The following ANO4 variants were observed in gnomAD, a reference collection of about 807,000 sequenced individuals.
ANO4 encodes anoctamin-4.
In ANO4, 69 loss-of-function variants were observed where a neutral mutation model predicts 141.9. The ratio of observed to expected loss-of-function variants is 0.49; its 90% CI spans 0.40 to 0.59. ANO4 has a LOEUF of 0.59. ANO4 is among the 20% of genes least tolerant of loss of function. ANO4 has a pLI of 0.00. For synonymous variants in ANO4, 350 were observed against 394.3 expected, an observed-to-expected ratio of 0.89 and a Z score of 1.33; for missense variants, 894 against 1,162.2, an observed-to-expected ratio of 0.77 and a Z score of 3.36.
intron 1 of ANO4, among the ~76,000 whole-genome samples, chr12:100,807,655 C>G (rs965980400): frequency 5.9e-5 from 9 of 151,854 alleles, no homozygotes; most frequent in Non-Finnish European, 1.3e-4. Flanking sequence ...ACAGATCAAC[C>G]TATCACCTGG....
intron 1 of ANO4, among the ~76,000 whole-genome samples, chr12:100,890,660 C>A (rs980775611): frequency 6.6e-6 from 1 of 152,126 alleles, no homozygotes; most frequent in Non-Finnish European, 1.5e-5. Flanking sequence ...TTTAGGTTCA[C>A]AGCAAAATTG....
chr12:100,782,119 T>C (rs1489345173), intron 3 of ANO4, among the ~76,000 whole-genome samples: 2 of 152,206 alleles, frequency 1.3e-5, no homozygotes, highest in East Asian at 3.9e-4. Flanking sequence ...CAGTATCTCC[T>C]GGGGACCTTT....
At position 100,758,611 on chromosome 12, in the gene ANO4, A is replaced by C. The variant is rs77761308; in HGVS notation, c.358+18506A>C. Among the ~76,000 whole-genome samples the C allele has an allele frequency of 5.0e-3, 765 of 152,298 alleles. 24 individuals are homozygous for C. In the East Asian group the frequency reaches 0.07, roughly 14 times the overall value. On this transcript the variant is annotated intron_variant, in intron 3 of 29. Transcript: ENST00000644049. ...AAGAATTGACAGTGTGCTTTCCCAC[A>C]CATGACCCTGTTTGATGTTCATATT...
chr12:100,937,807 G>A (rs2042347359), intron 3 of ANO4, among the ~76,000 whole-genome samples: 1 of 152,012 alleles, frequency 6.6e-6, no homozygotes, highest in African/African-American at 2.4e-5. Flanking sequence ...GCGTTTCTTG[G>A]CTCGTGGCCG....
chr12:100,939,776 TC>T, intron 4 of ANO4, among the ~76,000 whole-genome samples: 1 of 152,142 alleles, frequency 6.6e-6, no homozygotes, highest in Non-Finnish European at 1.5e-5. Flanking sequence ...CTTGTATAGA[TC>T]CCCCAGTGGG....
In ANO4 at chr12:100,739,020, ATATATATATAATCTCTAAATCTT is replaced by A. The variant is rs1322838481; in HGVS notation, c.107-823_107-801del. 6.7e-4 allele frequency among the ~76,000 whole-genome samples: 47 copies of A among 69,664 alleles called. No individual in the cohort carries two copies. The East Asian group carries it at 0.02, about 30-fold the overall frequency. 45.7% of individuals were successfully genotyped at this position (69,664 alleles called of 152,430 possible). A position where few individuals can be genotyped will look rare whatever the true frequency, so the allele number is the denominator to read the frequency against. On this transcript the variant is annotated intron_variant, in intron 2 of 29. Coordinates refer to the ANO4 transcript ENST00000644049. The stretch of plus-strand genomic sequence containing the variant: ...TTTGTTTATATATATCTAAATCTTT[ATATATATATAATCTCTAAATCTT>A]TATATATATATCTAAATCTTTATAT...
At chr12:101,115,616 G>A (rs2137034753) in intron 24 of ANO4, among the ~76,000 whole-genome samples, 1 of 152,206 alleles carries the variant, frequency 6.6e-6, no homozygotes, top group South Asian at 2.1e-4. Context: ...TTCACCCAAA[G>A]TTTCAAACAT....
chr12:100,770,041 T>C (rs767817963), intron 3 of ANO4, among the ~76,000 whole-genome samples: 1 of 152,248 alleles, frequency 6.6e-6, no homozygotes, highest in Non-Finnish European at 1.5e-5. Flanking sequence ...AAACACGTTA[T>C]ATTACTTTTA....
At chr12:100,981,698 G>A (rs1005394635) in intron 7 of ANO4, among the ~76,000 whole-genome samples, 8 of 152,090 alleles carry the variant, frequency 5.3e-5, no homozygotes, top group Admixed American at 5.2e-4. Context: ...GTCCCTCCTG[G>A]GTTGTTAGTG....
At chr12:100,740,212 G>A (rs2031803368) in intron 3 of ANO4, 1 of 654,246 alleles carries the variant, frequency 1.5e-6, no homozygotes, top group South Asian at 1.7e-5. Flanking sequence ...TGTGTGATAT[G>A]ATGGACCCCA....
At chr12:100,972,644 A>G (rs1332035851) in intron 6 of ANO4, among the ~76,000 whole-genome samples, 1 of 152,238 alleles carries the variant, frequency 6.6e-6, no homozygotes, top group African/African-American at 2.4e-5. Flanking sequence ...GAAAATTTTT[A>G]TACTATAATA....
rs181472124 is a variant in ANO4 at position 100,734,822 on chromosome 12, T to C, written c.106+965T>C. ...TTTTTATTATGAGGTTACTTAAGTATGTTCAAACATAGAACTATATATAGA... is the reference window on the plus strand; with the variant it reads ...TTTTTATTATGAGGTTACTTAAGTACGTTCAAACATAGAACTATATATAGA... On this transcript the variant is annotated intron_variant, in intron 2 of 29. Coordinates refer to the ANO4 transcript ENST00000644049. Among the ~76,000 whole-genome samples the C allele has an allele frequency of 7.9e-5, 12 of 152,388 alleles. No homozygotes were observed. In the East Asian group the frequency reaches 1.7e-3, roughly 22 times the overall value.
intron 1 of ANO4, among the ~76,000 whole-genome samples, chr12:100,812,466 T>C (rs2035498654): frequency 6.6e-6 from 1 of 150,968 alleles, no homozygotes; most frequent in Admixed American, 6.6e-5. Context: ...ATGTTTGTAT[T>C]TATGTATATA....
intron 5 of ANO4, among the ~76,000 whole-genome samples, chr12:100,954,277 A>G (rs1476220176): frequency 6.6e-6 from 1 of 151,946 alleles, no homozygotes; most frequent in Non-Finnish European, 1.5e-5. Context: ...CAGGGAATCC[A>G]CCTCCCATCA....
chr12:101,062,886 G>C (rs534829798), intron 14 of ANO4, among the ~76,000 whole-genome samples: 6 of 152,178 alleles, frequency 3.9e-5, no homozygotes, highest in African/African-American at 1.4e-4. Context: ...CTTTCCAGGG[G>C]AGTGAACAGC....
At chr12:100,792,951 T>G (rs2135622097), upstream of ANO4, among the ~76,000 whole-genome samples, 2 of 152,360 alleles carry the variant, frequency 1.3e-5, no homozygotes, top group Middle Eastern at 3.4e-3. Flanking sequence ...GCATTTATAT[T>G]TCCTGAATGG....
At chr12:100,782,395 T>C (rs2033738993) in intron 3 of ANO4, among the ~76,000 whole-genome samples, 1 of 152,216 alleles carries the variant, frequency 6.6e-6, no homozygotes, top group African/African-American at 2.4e-5. Flanking sequence ...TGATTATGGT[T>C]AAAAACCATG....
intron 1 of ANO4, among the ~76,000 whole-genome samples, chr12:100,812,054 G>A (rs931213057): frequency 1.3e-5 from 2 of 151,724 alleles, no homozygotes; most frequent in South Asian, 2.1e-4. Context: ...ACACACACAC[G>A]CGTAATTCCT....
At chr12:100,883,973 T>C (rs966860721) in intron 1 of ANO4, among the ~76,000 whole-genome samples, 4 of 152,220 alleles carry the variant, frequency 2.6e-5, no homozygotes, top group Non-Finnish European at 4.4e-5. Flanking sequence ...TTTCATTAAT[T>C]ATTAACCATA....
Sources: allele counts gnomAD v4.1 joint callset (sites outside exome capture counted in the v4.1 genomes callset), GRCh38; gene constraint gnomAD v4.1.1; transcripts MANE v1.5; gene names NCBI Gene and HGNC (gene_info 2026-07-23, HGNC 2026-07-21).